The following PDZD2 variants were observed in gnomAD, a reference collection of about 807,000 sequenced individuals.
PDZD2 encodes PDZ domain-containing protein 2.
PDZD2 carries 90 observed loss-of-function variants against 220.7 expected under a neutral mutation model. That is an observed-to-expected ratio of 0.41 (90% CI 0.34 to 0.49). The LOEUF (loss-of-function observed/expected upper bound fraction) is 0.49, where lower values mean the gene tolerates loss of function less well. Among genes scored for constraint, PDZD2 ranks in the 20% least tolerant of loss-of-function variants. PDZD2 has a pLI of 0.28. For synonymous variants in PDZD2, 1,375 were observed against 1,450.5 expected (o/e 0.95, Z 1.18); for missense variants, 3,174 against 3,608.5 (o/e 0.88, Z 3.08).
intron 2 of PDZD2, among the ~76,000 whole-genome samples, chr5:31,948,701 C>G (rs1028553019): frequency 6.6e-6 from 1 of 152,138 alleles, no homozygotes. Flanking sequence ...TGTAAATGGC[C>G]TGTGCTTCCT....
intron 2 of PDZD2, among the ~76,000 whole-genome samples, chr5:31,905,828 T>C (rs1031047823): frequency 6.6e-6 from 1 of 152,054 alleles, no homozygotes; most frequent in Non-Finnish European, 1.5e-5. Flanking sequence ...ACTTTTGTTA[T>C]TGGACTTTGG....
At chr5:31,900,033 G>A (rs951355789) in intron 2 of PDZD2, among the ~76,000 whole-genome samples, 6 of 152,186 alleles carry the variant, frequency 3.9e-5, no homozygotes, top group South Asian at 2.1e-4. Context: ...ATTTGTTGCC[G>A]GACTAGAATG....
intron 6 of PDZD2, among the ~76,000 whole-genome samples, chr5:32,036,118 C>G (rs993479390): frequency 2.6e-5 from 4 of 152,078 alleles, no homozygotes; most frequent in Non-Finnish European, 5.9e-5. Flanking sequence ...TAATTTCACA[C>G]CCGGCTAATT....
rs772708914 is a variant in PDZD2, at chr5:32,088,703, A to G, written c.5255A>G (p.Asn1752Ser). ...CTGAATCAATACGAAACAAGCATTA[A>G]TGCAGCTGCCAGTCTGTCCTCCTTC... ...ETLNQYETSINAAASLSSFSV... is the reference protein window; with the variant it reads ...ETLNQYETSISAAASLSSFSV... Residue 1752 changes from asparagine to serine, a missense_variant, in exon 20 of 25, where the codon AAT (asparagine) becomes AGT (serine). Transcript: ENST00000438447. This position sits in a 1 kb window ranked among gnomAD's most constrained non-coding sequence, Gnocchi z 4.6. 2.5e-6 allele frequency: 4 copies of G among 1,613,998 alleles called. No individual in the cohort carries two copies. The African/African-American group carries it at 4.0e-5, about 16-fold the overall frequency.
chr5:31,725,735 G>T, intron 1 of PDZD2: 2 of 900,016 alleles, frequency 2.2e-6, no homozygotes, highest in Non-Finnish European at 3.7e-6. Flanking sequence ...CCTGCAACGT[G>T]ATTTAGCCTT....
chr5:32,088,582 T>C lies in PDZD2; in HGVS notation c.5134T>C (p.Ser1712Pro), dbSNP rs779841882. 1 of 1,614,178 alleles carries C rather than the reference T, an allele frequency of 6.2e-7. No individual in the cohort carries two copies. The highest frequency in any genetic ancestry group is 8.5e-7 in the Non-Finnish European group (1 of 1,180,018). The change falls in exon 20 of 25, where the codon TCT (serine) becomes CCT (proline). Residue 1712 changes from serine to proline, a missense_variant. Coordinates refer to ENST00000438447, the MANE Select transcript of PDZD2 (RefSeq NM_178140.4). The surrounding 1 kb of genome is among the most constrained non-coding windows in gnomAD (Gnocchi z 4.6). Reference sequence around the variant, plus strand: ...CTCAGCCATGGAAAACAGTCCGCTGTCTAAAGTAGCCAGGCATTTTCACAG... The same window carrying C: ...CTCAGCCATGGAAAACAGTCCGCTGCCTAAAGTAGCCAGGCATTTTCACAG... Reference protein sequence around the residue: ...ASSAMENSPLSKVARHFHSPP... With the variant: ...ASSAMENSPLPKVARHFHSPP...
intron 2 of PDZD2, among the ~76,000 whole-genome samples, chr5:31,966,688 T>G (rs1307410002): frequency 6.6e-6 from 1 of 152,168 alleles, no homozygotes; most frequent in African/African-American, 2.4e-5. Flanking sequence ...GTAATCAAAG[T>G]CCTATAAACC....
chr5:31,974,906 G>T (rs1749607649), intron 2 of PDZD2, among the ~76,000 whole-genome samples: 1 of 152,158 alleles, frequency 6.6e-6, no homozygotes, highest in Non-Finnish European at 1.5e-5. Context: ...GTGAGACCGT[G>T]TCTCAGAAAC....
At chr5:31,840,434 A>T (rs1246164271) in intron 2 of PDZD2, 912 of 71,084 alleles carry the variant, frequency 0.013, 52 homozygotes, top group African/African-American at 0.027. Flanking sequence ...ATATATATAT[A>T]TATATATATA....
chr5:31,715,069 A>G (rs867561362), intron 1 of PDZD2, among the ~76,000 whole-genome samples: 245 of 151,962 alleles, frequency 1.6e-3, no homozygotes, highest in Non-Finnish European at 2.9e-3. Flanking sequence ...AAAAAAAAAA[A>G]AAAAGAAAGA....
At chr5:31,990,443 T>C (rs921531810) in intron 3 of PDZD2, among the ~76,000 whole-genome samples, 4 of 152,236 alleles carry the variant, frequency 2.6e-5, no homozygotes, top group Non-Finnish European at 4.4e-5. Flanking sequence ...GACAAAGTCT[T>C]GTTGCCCTTT....
In PDZD2 at chr5:32,110,037, T is replaced by TTGA. The variant is rs1421649288; in HGVS notation, c.*1904_*1906dup. 18 of 71,804 alleles carry TTGA rather than the reference T, an allele frequency of 2.5e-4. No individual in the cohort carries two copies. In the East Asian group the frequency reaches 3.5e-3, roughly 14 times the overall value. The allele number at this position is 71,804 out of a possible 1,614,324, so 4.4% of individuals were successfully genotyped here. On this transcript the variant is annotated 3_prime_UTR_variant, in exon 25 of 25. Coordinates refer to ENST00000438447, the MANE Select transcript of PDZD2 (RefSeq NM_178140.4). ...AAGTCAGTGCAAGGTGCATGCTTGA[T>TTGA]TGATAGATATTGATTGATTGTTTTT...
intron 2 of PDZD2, among the ~76,000 whole-genome samples, chr5:31,880,905 G>A (rs537486160): frequency 6.9e-6 from 1 of 144,122 alleles, no homozygotes; most frequent in Non-Finnish European, 1.5e-5. Flanking sequence ...AGGTTCAAGC[G>A]ATTCTCCTGC....
intron 2 of PDZD2, among the ~76,000 whole-genome samples, chr5:31,898,808 C>CTTTTTTTTTTTTTTTTTTTTTTTTTTTT (rs35589628): frequency 1.5e-4 from 18 of 123,472 alleles, no homozygotes; most frequent in South Asian, 2.8e-4. Flanking sequence ...AGCCTCTCTT[C>CTTTTTTTTTTTTTTTTTTTTTTTTTTTT]TTTTTTTTTT....
At chr5:31,727,012 C>G in intron 1 of PDZD2, among the ~76,000 whole-genome samples, 1 of 152,062 alleles carries the variant, frequency 6.6e-6, no homozygotes, top group East Asian at 1.9e-4. Flanking sequence ...CAGGAGCATG[C>G]GAGAGAGAGA....
intron 1 of PDZD2, among the ~76,000 whole-genome samples, chr5:31,719,656 T>C (rs776320090): frequency 6.6e-6 from 1 of 152,304 alleles, no homozygotes; most frequent in Middle Eastern, 3.4e-3. Context: ...AATTAGAAGA[T>C]TTAGGGAACA....
At chr5:31,976,641 A>C (rs1273445295) in intron 2 of PDZD2, among the ~76,000 whole-genome samples, 2 of 151,884 alleles carry the variant, frequency 1.3e-5, no homozygotes, top group African/African-American at 4.8e-5. Context: ...ATTGTAGTAC[A>C]AGCCAGTGCC....
At chr5:31,701,292 G>A (rs749212461) in intron 1 of PDZD2, among the ~76,000 whole-genome samples, 1 of 152,162 alleles carries the variant, frequency 6.6e-6, no homozygotes, top group African/African-American at 2.4e-5. Flanking sequence ...CACCTCCTGG[G>A]TTCAAGTTGT....
intron 24 of PDZD2, among the ~76,000 whole-genome samples, chr5:32,105,067 G>A (rs979841497): frequency 2.0e-5 from 3 of 152,064 alleles, no homozygotes; most frequent in Admixed American, 6.6e-5. Flanking sequence ...CCAGGAGGTC[G>A]AGGCTGTGGT....
Sources: allele counts gnomAD v4.1 joint callset (sites outside exome capture counted in the v4.1 genomes callset), GRCh38; gene constraint gnomAD v4.1.1; non-coding constraint Gnocchi (gnomAD v3.1); transcripts MANE v1.5; gene names NCBI Gene and HGNC (gene_info 2026-07-23, HGNC 2026-07-21).